The following SLC1A2 variants were observed in gnomAD, a reference collection of about 807,000 sequenced individuals.
SLC1A2 encodes the protein excitatory amino acid transporter 2.
A neutral mutation model predicts 48.8 loss-of-function variants in SLC1A2; 15 were observed. The ratio of observed to expected loss-of-function variants is 0.31; its 90% CI spans 0.21 to 0.47. The LOEUF is 0.47. SLC1A2 is among the 20% of genes least tolerant of loss of function. SLC1A2 has a pLI of 0.99. For synonymous variants in SLC1A2, 279 were observed against 272.6 expected (o/e 1.02, Z -0.23); for missense variants, 502 against 730.5 (o/e 0.69, Z 3.61).
chr11:35,276,494 C>G (rs1421029673), intron 9 of SLC1A2, among the ~76,000 whole-genome samples: 1 of 152,092 alleles, frequency 6.6e-6, no homozygotes, highest in Non-Finnish European at 1.5e-5. Context: ...TGCTGACACA[C>G]TTCAGCCCTG....
chr11:35,292,179 G>A, intron 7 of SLC1A2, 108 bp downstream of exon 7: 2 of 786,748 alleles, frequency 2.5e-6, no homozygotes, highest in South Asian at 1.7e-5. Flanking sequence ...AGTAATGTGT[G>A]CCAAGTGTTC....
chr11:35,398,599 C>G (rs998686380), intron 1 of SLC1A2, among the ~76,000 whole-genome samples: 1 of 152,138 alleles, frequency 6.6e-6, no homozygotes, highest in African/African-American at 2.4e-5. Context: ...ACCTGTATAC[C>G]AAACCCCTGT....
chr11:35,412,050 A>AAT (rs1206066836), intron 1 of SLC1A2, among the ~76,000 whole-genome samples: 1 of 151,728 alleles, frequency 6.6e-6, no homozygotes, highest in Non-Finnish European at 1.5e-5. Flanking sequence ...AGCAAAAAAA[A>AAT]AAAACAAAAC....
intron 1 of SLC1A2, chr11:35,322,700 A>T: frequency 7.5e-7 from 1 of 1,336,772 alleles, no homozygotes; most frequent in East Asian, 2.5e-5. Flanking sequence ...GAACAAAAAC[A>T]GTGCTCACTG....
chr11:35,401,362 A>G (rs186938289), intron 1 of SLC1A2, among the ~76,000 whole-genome samples: 25 of 152,280 alleles, frequency 1.6e-4, no homozygotes, highest in African/African-American at 5.8e-4. Context: ...TTGAGGGTAA[A>G]ACACTTTGAT....
chr11:35,357,889 G>A (rs1259140943), intron 1 of SLC1A2, among the ~76,000 whole-genome samples: 2 of 152,174 alleles, frequency 1.3e-5, no homozygotes. Context: ...GCTCATGCCT[G>A]TAATCCCAGC....
intron 3 of SLC1A2, among the ~76,000 whole-genome samples, chr11:35,313,201 A>G: frequency 6.6e-6 from 1 of 152,168 alleles, no homozygotes; most frequent in East Asian, 1.9e-4. Flanking sequence ...CTAAAAAGCT[A>G]GTAGTTCTGT....
intron 1 of SLC1A2, among the ~76,000 whole-genome samples, chr11:35,360,611 G>A (rs145112626): frequency 2.0e-5 from 3 of 152,206 alleles, no homozygotes; most frequent in African/African-American, 7.2e-5. Flanking sequence ...AAGGCCCAGA[G>A]ATGCCCCAGC....
At chr11:35,409,530 T>C (rs1855396088) in intron 1 of SLC1A2, among the ~76,000 whole-genome samples, 1 of 152,184 alleles carries the variant, frequency 6.6e-6, no homozygotes, top group African/African-American at 2.4e-5. Flanking sequence ...CATCTTTCCA[T>C]TGGACATGGC....
chr11:35,357,115 G>C (rs1853502235), intron 1 of SLC1A2, among the ~76,000 whole-genome samples: 1 of 152,044 alleles, frequency 6.6e-6, no homozygotes, highest in African/African-American at 2.4e-5. Flanking sequence ...AAATTAGCTG[G>C]ACATGGTGGC....
At chr11:35,360,010 C>T (rs1211851103) in intron 1 of SLC1A2, 4 of 859,948 alleles carry the variant, frequency 4.7e-6, no homozygotes, top group Non-Finnish European at 5.6e-6. Flanking sequence ...TCACCCCTCA[C>T]AACCCACCCT....
At chr11:35,403,023 A>G (rs1000260889) in intron 1 of SLC1A2, among the ~76,000 whole-genome samples, 2 of 152,238 alleles carry the variant, frequency 1.3e-5, no homozygotes, top group African/African-American at 4.8e-5. Context: ...CAAAGTCAAG[A>G]GACTGATGGA....
At chr11:35,270,733 C>T (rs1850258661) in intron 9 of SLC1A2, among the ~76,000 whole-genome samples, 2 of 152,008 alleles carry the variant, frequency 1.3e-5, no homozygotes, top group South Asian at 4.1e-4. Flanking sequence ...GAGTTGGGCC[C>T]TAAGGATAAG....
intron 1 of SLC1A2, among the ~76,000 whole-genome samples, chr11:35,384,909 G>A (rs887463203): frequency 6.6e-6 from 1 of 151,830 alleles, no homozygotes. Flanking sequence ...GTGCAAGATG[G>A]CTTCCCTACA....
At chr11:35,370,604 G>A (rs1412392000) in intron 1 of SLC1A2, among the ~76,000 whole-genome samples, 9 of 152,150 alleles carry the variant, frequency 5.9e-5, no homozygotes, top group Non-Finnish European at 1.2e-4. Flanking sequence ...CAGAGTGAGT[G>A]TTATAAGGTG....
chr11:35,302,922 A>G (rs983176786), intron 5 of SLC1A2, among the ~76,000 whole-genome samples: 51 of 148,698 alleles, frequency 3.4e-4, no homozygotes, highest in Non-Finnish European at 1.6e-4. Flanking sequence ...TACTACTTAC[A>G]TGTTCTATAA....
intron 1 of SLC1A2, among the ~76,000 whole-genome samples, chr11:35,389,034 C>G (rs1173645224): frequency 6.6e-6 from 1 of 152,126 alleles, no homozygotes; most frequent in African/African-American, 2.4e-5. Flanking sequence ...CCAGTCCCCA[C>G]CAGTATGCAA....
At chr11:35,365,731 T>C (rs890023031) in intron 1 of SLC1A2, among the ~76,000 whole-genome samples, 2 of 152,160 alleles carry the variant, frequency 1.3e-5, no homozygotes, top group Non-Finnish European at 2.9e-5. Flanking sequence ...CCATTACAGT[T>C]TATATGTCTG....
chr11:35,322,587 C>T (rs1852108149), intron 1 of SLC1A2: 1 of 1,534,390 alleles, frequency 6.5e-7, no homozygotes. Context: ...GACATCTAAC[C>T]TCTCCTCCCT....
Sources: gnomAD v4.1 joint callset for allele counts (sites outside exome capture counted in the v4.1 genomes callset) on GRCh38, gnomAD v4.1.1 for gene constraint, MANE v1.5 for transcripts, NCBI Gene and HGNC (gene_info 2026-07-23, HGNC 2026-07-21) for gene names.